ANKRD28: variants seen among roughly 807,000 people sequenced by gnomAD.
ANKRD28 encodes ankyrin repeat domain 28, also known as serine/threonine-protein phosphatase 6 regulatory ankyrin repeat subunit A.
Under a neutral mutation model 126.5 loss-of-function variants are expected in ANKRD28, and 44 were observed. The ratio of observed to expected loss-of-function variants is 0.35; its 90% CI spans 0.27 to 0.45. The LOEUF (loss-of-function observed/expected upper bound fraction) is 0.45. Among genes scored for constraint, ANKRD28 ranks in the 20% least tolerant of loss-of-function variants. ANKRD28 has a pLI of 1.00. For missense variants in ANKRD28, 1,110 were observed against 1,316.6 expected (o/e 0.84, Z 2.43); for synonymous variants, 442 against 468.5 (o/e 0.94, Z 0.73).
chr3:15,765,923 C>G lies in ANKRD28; in HGVS notation c.280+311G>C, dbSNP rs115383944. Among the ~76,000 whole-genome samples, 570 of 151,422 alleles carry G rather than the reference C, an allele frequency of 3.8e-3. 2 individuals carry two copies. The highest frequency in any genetic ancestry group is 6.9e-3 in the Middle Eastern group (2 of 290). On this transcript the variant is annotated intron_variant, in intron 3 of 27. Transcript: ENST00000683139. ...TCCCACCCCGATTATCCTGATCTACCTTTCAATTTTTTCAAAGCACTCATC... is the reference window on the plus strand; with the variant it reads ...TCCCACCCCGATTATCCTGATCTACGTTTCAATTTTTTCAAAGCACTCATC...
At chr3:15,708,759 TG>T (rs1365025451) in intron 13 of ANKRD28, among the ~76,000 whole-genome samples, 1 of 152,198 alleles carries the variant, frequency 6.6e-6, no homozygotes, top group Non-Finnish European at 1.5e-5. Context: ...AAAGTAATTA[TG>T]GTGTCAAATA....
rs376272816 is a variant in ANKRD28, at chr3:15,773,279, G to A, written c.202-6967C>T. Among the ~76,000 whole-genome samples the A allele has an allele frequency of 2.3e-3, 346 of 152,180 alleles. 1 individual carries two copies. The highest frequency in any genetic ancestry group is 8.0e-3 in the African/African-American group (332 of 41,528). The stretch of plus-strand genomic sequence containing the variant: ...GTATCATTTAGAATAGCATCAAAAG[G>A]TAAAAAGAGAAAGAAGGAAAATAAA... On this transcript the variant is annotated intron_variant, in intron 2 of 27. Coordinates refer to ENST00000683139, the MANE Select transcript of ANKRD28 (RefSeq NM_001349278.2).
chr3:15,681,668 A>G (rs1202941774), intron 21 of ANKRD28, among the ~76,000 whole-genome samples: 1 of 152,220 alleles, frequency 6.6e-6, no homozygotes, highest in Non-Finnish European at 1.5e-5. Context: ...TAATTGTGGA[A>G]AAGTAATTTT....
chr3:15,780,544 T>G (rs1436341708), intron 2 of ANKRD28, among the ~76,000 whole-genome samples: 2 of 152,064 alleles, frequency 1.3e-5, no homozygotes, highest in African/African-American at 4.8e-5. Context: ...TCCAATGTAA[T>G]TTTTCACAGA....
chr3:15,800,535 C>T (rs1320520019), upstream of ANKRD28, among the ~76,000 whole-genome samples: 1 of 152,038 alleles, frequency 6.6e-6, no homozygotes, highest in African/African-American at 2.4e-5. Flanking sequence ...TCCTCTTGAC[C>T]CAGTACAAGT....
rs528630925 is a variant in ANKRD28 at position 15,830,614 on chromosome 3, C to G, written c.27+28763G>C. On this transcript the variant is annotated intron_variant, in intron 1 of 27. Coordinates refer to the ANKRD28 transcript ENST00000399451. This position sits in a 1 kb window ranked among gnomAD's most constrained non-coding sequence, Gnocchi z 4.5. The stretch of plus-strand genomic sequence containing the variant: ...CCATCCACGGAAAAATTGTCTTCCA[C>G]GAAACTGGTCCCTGGTGCCAAAAAC... Among the ~76,000 whole-genome samples, 7 of 151,834 alleles carry G rather than the reference C, an allele frequency of 4.6e-5. No homozygotes were observed. The highest frequency in any genetic ancestry group is 9.7e-5 in the African/African-American group (4 of 41,316).
intron 2 of ANKRD28, among the ~76,000 whole-genome samples, chr3:15,769,962 T>C (rs781070169): frequency 4.6e-5 from 7 of 151,728 alleles, no homozygotes; most frequent in Admixed American, 6.6e-5. Flanking sequence ...ACTGTGAGTA[T>C]GGTCTGAGCA....
At chr3:15,795,406 G>T in intron 1 of ANKRD28, 100 bp from the exon 2 acceptor site, 1 of 747,594 alleles carries the variant, frequency 1.3e-6, no homozygotes, top group Non-Finnish European at 2.2e-6. Flanking sequence ...CTTCCCTGTA[G>T]CAATAATCAC....
At chr3:15,672,261 AG>A (rs2066450484) in intron 27 of ANKRD28, among the ~76,000 whole-genome samples, 1 of 151,250 alleles carries the variant, frequency 6.6e-6, no homozygotes, top group Non-Finnish European at 1.5e-5. Flanking sequence ...CTCCCACCTC[AG>A]CCCCCTGACT....
In ANKRD28 at chr3:15,690,238, T is replaced by C. The variant is rs2068618406; in HGVS notation, c.1762-18A>G. On this transcript the variant is annotated intron_variant, in intron 17 of 27. Transcript: ENST00000683139. ...TGATAGGCCTAGAAATAAATAAAAA[T>C]GTAAATTTAAAACATACATATTTAG... The C allele has an allele frequency of 1.3e-6, 2 of 1,539,532 alleles. No homozygotes were observed. The highest frequency in any genetic ancestry group is 1.8e-6 in the Non-Finnish European group (2 of 1,141,582).
In ANKRD28 at chr3:15,816,001, C is replaced by T. The variant is rs1196648307; in HGVS notation, c.28-20695G>A. 6.6e-6 allele frequency among the ~76,000 whole-genome samples: 1 copy of T among 152,102 alleles called. No individual in the cohort carries two copies. Among genetic ancestry groups the T allele is most frequent in the African/African-American group, 2.4e-5 (1 of 41,424 alleles). On this transcript the variant is annotated intron_variant, in intron 1 of 27. Transcript: ENST00000399451. The surrounding 1 kb of genome is among the most constrained non-coding windows in gnomAD (Gnocchi z 5.0). ...AAGGTTTCAAATAGAAGAGGCTTTA[C>T]AGGTTTTCATAATTATGTTTTAATC...
chr3:15,677,361 A>T, intron 25 of ANKRD28, 119 bp downstream of exon 25: 1 of 706,764 alleles, frequency 1.4e-6, no homozygotes. Context: ...CAAGAAATCT[A>T]ATACCAGTGA....
Position 15,812,408 on chromosome 3 carries a change from T to C in ANKRD28, c.28-17102A>G. Among the ~76,000 whole-genome samples, 1 of 152,210 alleles carries C rather than the reference T, an allele frequency of 6.6e-6. No homozygotes were observed. Among genetic ancestry groups the C allele is most frequent in the Admixed American group, 6.5e-5 (1 of 15,290 alleles). On this transcript the variant is annotated intron_variant, in intron 1 of 27. Coordinates refer to the ANKRD28 transcript ENST00000399451. This position sits in a 1 kb window ranked among gnomAD's most constrained non-coding sequence, Gnocchi z 4.1. ...AAAAGCACCATCCAGTGGTAAAAGA[T>C]GATAATTACAATTTATACAGTTATT... is the stretch of plus-strand genomic sequence containing the variant.
chr3:15,818,060 T>C (rs2060869235), intron 1 of ANKRD28, among the ~76,000 whole-genome samples: 1 of 152,120 alleles, frequency 6.6e-6, no homozygotes, highest in East Asian at 1.9e-4. Context: ...TATGTACAGA[T>C]TATGTATGCT....
At chr3:15,813,455 T>C (rs2060767233) in intron 1 of ANKRD28, among the ~76,000 whole-genome samples, 1 of 152,186 alleles carries the variant, frequency 6.6e-6, no homozygotes, top group South Asian at 2.1e-4. Flanking sequence ...TTCTTTGTTC[T>C]GAAACAACTT....
intron 3 of ANKRD28, among the ~76,000 whole-genome samples, chr3:15,764,961 T>C (rs1447773193): frequency 1.3e-5 from 2 of 151,850 alleles, no homozygotes; most frequent in Non-Finnish European, 2.9e-5. Flanking sequence ...TAAATTTTTA[T>C]GAATTTGTAA....
At chr3:15,834,782 T>C (rs935023063) in intron 1 of ANKRD28, among the ~76,000 whole-genome samples, 2 of 152,244 alleles carry the variant, frequency 1.3e-5, no homozygotes, top group African/African-American at 4.8e-5. Flanking sequence ...GATATTTCTA[T>C]GGTTAAAAAT....
chr3:15,704,083 A>G (rs1184020876), intron 14 of ANKRD28, among the ~76,000 whole-genome samples: 1 of 152,228 alleles, frequency 6.6e-6, no homozygotes, highest in African/African-American at 2.4e-5. Context: ...TCCTGCTCAA[A>G]GACAGCCCTA....
chr3:15,694,912 C>T, intron 16 of ANKRD28, 99 bp from the exon 17 acceptor site: 3 of 1,124,644 alleles, frequency 2.7e-6, no homozygotes, highest in Admixed American at 1.9e-5. Context: ...TATTATTTGG[C>T]AACTCAGCAA....
Sources: allele counts gnomAD v4.1 joint callset (sites outside exome capture counted in the v4.1 genomes callset), GRCh38; gene constraint gnomAD v4.1.1; non-coding constraint Gnocchi (gnomAD v3.1); transcripts MANE v1.5; gene names NCBI Gene and HGNC (gene_info 2026-07-23, HGNC 2026-07-21).